Variants in SLITRK3 observed in about 807,000 individuals in gnomAD.
SLITRK3 encodes SLIT and NTRK-like protein 3.
In SLITRK3, 16 loss-of-function variants were observed where a neutral mutation model predicts 63.6. That is an observed-to-expected ratio of 0.25 (90% CI 0.17 to 0.38). SLITRK3 has a LOEUF of 0.38. Among genes scored for constraint, SLITRK3 ranks in the 10% least tolerant of loss-of-function variants. SLITRK3 has a pLI of 1.00. For synonymous variants in SLITRK3, 547 were observed against 451.6 expected (o/e 1.21, Z -2.68); for missense variants, 1,117 against 1,181.4 (o/e 0.95, Z 0.80).
intron 1 of SLITRK3, 92 bp from the exon 2 acceptor site, chr3:165,190,943 T>A (rs1718202113): frequency 1.1e-6 from 1 of 908,928 alleles, no homozygotes; most frequent in Non-Finnish European, 1.6e-6. Flanking sequence ...AAGAGCTATA[T>A]AAAAACTTCA....
Position 165,196,240 on chromosome 3 carries a change from G to C in SLITRK3, c.-682C>G, listed in dbSNP as rs1164925339. Among the ~76,000 whole-genome samples the C allele has an allele frequency of 6.7e-6, 1 of 148,652 alleles. No individual in the cohort carries two copies. The highest frequency in any genetic ancestry group is 2.1e-4 in the East Asian group (1 of 4,714). ...TCTCAGATCCCAGCATTGGTCAGAC[G>C]GCGAAGGTGGGGGGAAAGAAGGAGA... On this transcript the variant is annotated 5_prime_UTR_variant, in exon 1 of 2. Coordinates refer to ENST00000475390, the MANE Select transcript of SLITRK3 (RefSeq NM_001318810.2).
intron 1 of SLITRK3, among the ~76,000 whole-genome samples, 165 bp from the exon 2 acceptor site, chr3:165,191,016 A>G (rs948022677): frequency 6.6e-6 from 1 of 152,232 alleles, no homozygotes; most frequent in Admixed American, 6.5e-5. Context: ...AGTGTGTCCT[A>G]TATTTTAAAC....
Position 165,189,407 on chromosome 3 carries a change from A to T in SLITRK3, c.1424T>A (p.Met475Lys). Reference protein sequence around the residue: ...GNDIEKLTPGMFRGLQSLHYL... With the variant: ...GNDIEKLTPGKFRGLQSLHYL... ...GTGCAAACTCTGTAGGCCTCGGAAC[A>T]TGCCTGGTGTCAGCTTCTCTATATC... Residue 475 changes from methionine (M) to lysine (K), a missense_variant, in exon 2 of 2, where the codon ATG becomes AAG. Transcript: ENST00000475390. This position sits in a 1 kb window ranked among gnomAD's most constrained non-coding sequence, Gnocchi z 4.0. 1 of 1,613,628 alleles carries T rather than the reference A, an allele frequency of 6.2e-7. No homozygotes were observed.
intron 1 of SLITRK3, among the ~76,000 whole-genome samples, chr3:165,193,789 G>A (rs972730929): frequency 2.0e-5 from 3 of 152,008 alleles, no homozygotes; most frequent in Non-Finnish European, 4.4e-5. Flanking sequence ...GTGGATTTAA[G>A]GATTTGGATG....
At position 165,190,801 on chromosome 3, in the gene SLITRK3, G is replaced by A. The variant is rs373474881; in HGVS notation, c.30C>T (p.His10=). Residue 10 remains histidine, a synonymous_variant, in exon 2 of 2, where the codon CAC becomes CAT. Coordinates refer to ENST00000475390, the MANE Select transcript of SLITRK3 (RefSeq NM_001318810.2). The part of the protein sequence containing the change: MKPSIAEML[H]RGRMLWIILL... ...GAATTATCCACAACATCCTTCCTCTGTGAAGCATCTCAGCTATGGAAGGTT... is the reference window on the plus strand; with the variant it reads ...GAATTATCCACAACATCCTTCCTCTATGAAGCATCTCAGCTATGGAAGGTT... 1 of 1,602,532 alleles carries A rather than the reference G, an allele frequency of 6.2e-7. No individual in the cohort carries two copies. The highest frequency in any genetic ancestry group is 1.3e-5 in the African/African-American group (1 of 74,420).
At position 165,190,537 on chromosome 3, in the gene SLITRK3, A is replaced by G. The variant is rs773688580; in HGVS notation, c.294T>C (p.Leu98=). 70 of 1,613,800 alleles carry G rather than the reference A, an allele frequency of 4.3e-5. No homozygotes were observed. The highest frequency in any genetic ancestry group is 5.5e-5 in the Non-Finnish European group (65 of 1,179,978). Residue 98 remains leucine, a synonymous_variant, in exon 2 of 2, where the codon CTT becomes CTC. Transcript: ENST00000475390. ...SMRKLYTNSF[L]HLNNAVSINL... ...TAATAGACACAGCATTATTCAAATG[A>G]AGAAAACTGTTGGTATATAATTTCC...
In SLITRK3 at chr3:165,190,678, T is replaced by C; in HGVS notation, c.153A>G (p.Glu51=). 6.2e-7 allele frequency: 1 copy of C among 1,614,140 alleles called. No individual in the cohort carries two copies. Among genetic ancestry groups the C allele is most frequent in the South Asian group, 1.1e-5 (1 of 91,076 alleles). Residue 51 remains glutamate (E), a synonymous_variant, in exon 2 of 2, where the codon GAA becomes GAG. Transcript: ENST00000475390. ...DEPCFDPCYC[E]VKESLFHIHC... ...GTATATGAAAGAGGCTTTCTTTAAC[T>C]TCACAGTAGCATGGATCAAAACAGG...
intron 1 of SLITRK3, among the ~76,000 whole-genome samples, chr3:165,194,646 G>A (rs965335748): frequency 2.6e-5 from 4 of 152,022 alleles, no homozygotes; most frequent in African/African-American, 9.7e-5. Flanking sequence ...CAGCACTTTG[G>A]GTACCCAATG....
chr3:165,192,782 A>G (rs757968476), intron 1 of SLITRK3, among the ~76,000 whole-genome samples: 3 of 151,640 alleles, frequency 2.0e-5, no homozygotes, highest in Non-Finnish European at 4.4e-5. Context: ...GCCGCTTGGC[A>G]CACTCAGTAG....
intron 1 of SLITRK3, among the ~76,000 whole-genome samples, chr3:165,193,479 C>T (rs1025174800): frequency 1.5e-4 from 23 of 151,314 alleles, no homozygotes; most frequent in African/African-American, 5.3e-4. Context: ...AAATCCAGGT[C>T]CCCAAAGCAG....
chr3:165,196,496 C>T, upstream of SLITRK3: 1 of 154,914 alleles, frequency 6.5e-6, no homozygotes, highest in Non-Finnish European at 1.4e-5. Flanking sequence ...ACGCTCGCGG[C>T]GGCGGCGGCG....
At chr3:165,192,341 G>C (rs1415477044) in intron 1 of SLITRK3, among the ~76,000 whole-genome samples, 1 of 152,086 alleles carries the variant, frequency 6.6e-6, no homozygotes, top group Non-Finnish European at 1.5e-5. Context: ...AAGAGGGAGA[G>C]AGAAAAGGCT....
chr3:165,188,296 C>A lies in SLITRK3; in HGVS notation c.2535G>T (p.Gly845=), dbSNP rs776330532. ...CAGTTCCCCCAACTACTCCTGAAACCCCACCAACTGCTGGGTGGTGAGGGT... is the reference window on the plus strand; with the variant it reads ...CAGTTCCCCCAACTACTCCTGAAACACCACCAACTGCTGGGTGGTGAGGGT... ...HHHPHHPAVG[G]VSGVVGGTGG... The change falls in exon 2 of 2, where the codon GGG becomes GGT. Residue 845 remains glycine, a synonymous_variant. Transcript: ENST00000475390. The A allele has an allele frequency of 1.9e-6, 3 of 1,613,846 alleles. No homozygotes were observed. The African/African-American group carries it at 4.0e-5, about 22-fold the overall frequency.
chr3:165,187,727 A>G lies in SLITRK3; in HGVS notation c.*170T>C, dbSNP rs1718005778. 3.8e-6 allele frequency: 2 copies of G among 524,530 alleles called. No individual in the cohort carries two copies. Among genetic ancestry groups the G allele is most frequent in the Non-Finnish European group, 3.3e-6 (1 of 300,284 alleles). The allele number at this position is 524,530 out of a possible 1,614,324, so 32.5% of individuals were successfully genotyped here. A position where few individuals can be genotyped will look rare whatever the true frequency, so the allele number is the denominator to read the frequency against. On this transcript the variant is annotated 3_prime_UTR_variant, in exon 2 of 2. Coordinates refer to ENST00000475390, the MANE Select transcript of SLITRK3 (RefSeq NM_001318810.2). ...CTCCAAATCGCATCTGAGAGGGGAG[A>G]GCATACATCTGTATTCTCTAGTTAT...
rs753454690 is a variant in SLITRK3, at chr3:165,188,789, C to T, written c.2042G>A (p.Arg681Lys). 5.6e-6 allele frequency: 9 copies of T among 1,614,162 alleles called. No homozygotes were observed. The highest frequency in any genetic ancestry group is 6.8e-6 in the Non-Finnish European group (8 of 1,180,042). ...TCTGAAGGGCAGCTTCTTTCGACGC[C>T]TTCGGAGCACGTAGGCAAAGAGGCC... ...AAGLFAYVLR[R>K]RRKKLPFRSK... Residue 681 changes from arginine to lysine, a missense_variant, in exon 2 of 2, where the codon AGG becomes AAG. Physicochemically the swap from Arg to Lys is conservative, Grantham distance 26. Transcript: ENST00000475390.
chr3:165,187,578 C>T lies in SLITRK3; in HGVS notation c.*319G>A. 4.3e-6 allele frequency: 1 copy of T among 230,542 alleles called. No individual in the cohort carries two copies. Among genetic ancestry groups the T allele is most frequent in the Admixed American group, 5.3e-5 (1 of 18,916 alleles). 14.3% of individuals were successfully genotyped at this position (230,542 alleles called of 1,614,324 possible). On this transcript the variant is annotated 3_prime_UTR_variant, in exon 2 of 2. Coordinates refer to ENST00000475390, the MANE Select transcript of SLITRK3 (RefSeq NM_001318810.2). The stretch of plus-strand genomic sequence containing the variant: ...TAATTAGGATCCATACAATGATCCC[C>T]AGTATATCTTATACATGGCACAGTC...
At position 165,187,860 on chromosome 3, in the gene SLITRK3, G is replaced by GA. The variant is rs751680059; in HGVS notation, c.*36dup. ...ATTTCTTTTATTTTCCTTTTCTTTT[G>GA]AAAAAAAAAAAGCACTAATATATTT... is the stretch of plus-strand genomic sequence containing the variant. On this transcript the variant is annotated 3_prime_UTR_variant, in exon 2 of 2. Transcript: ENST00000475390. 122,830 of 1,076,290 alleles carry GA rather than the reference G, an allele frequency of 0.11. 888 individuals carry two copies. Among genetic ancestry groups the GA allele is most frequent in the Non-Finnish European group, 0.13 (100,666 of 803,414 alleles). 66.7% of individuals were successfully genotyped at this position (1,076,290 alleles called of 1,614,324 possible).
rs368749158 is a variant in SLITRK3 at position 165,189,916 on chromosome 3, T to C, written c.915A>G (p.Ala305=). The C allele has an allele frequency of 2.0e-5, 32 of 1,614,024 alleles. No homozygotes were observed. In the South Asian group the frequency reaches 2.7e-4, roughly 14 times the overall value. The change falls in exon 2 of 2, where the codon GCA becomes GCG. Residue 305 remains alanine (A), a synonymous_variant. Coordinates refer to ENST00000475390, the MANE Select transcript of SLITRK3 (RefSeq NM_001318810.2). This position sits in a 1 kb window ranked among gnomAD's most constrained non-coding sequence, Gnocchi z 4.0. ...IPHSSSSKEN[A]WPTKPSSMLS... ...GCATTGAGGAAGGCTTAGTTGGCCA[T>C]GCATTCTCCTTACTTGATGACGAAT...
intron 1 of SLITRK3, among the ~76,000 whole-genome samples, chr3:165,194,710 A>G (rs989353483): frequency 6.6e-6 from 1 of 152,128 alleles, no homozygotes; most frequent in African/African-American, 2.4e-5. Context: ...ATGTGATGGA[A>G]TCGATGGGTA....
Sources: allele counts gnomAD v4.1 joint callset (sites outside exome capture counted in the v4.1 genomes callset), GRCh38; gene constraint gnomAD v4.1.1; non-coding constraint Gnocchi (gnomAD v3.1); transcripts MANE v1.5; gene names NCBI Gene and HGNC (gene_info 2026-07-23, HGNC 2026-07-21).